HNRNPDL: variants seen among roughly 807,000 people sequenced by gnomAD.
HNRNPDL encodes heterogeneous nuclear ribonucleoprotein D-like.
HNRNPDL carries 18 observed loss-of-function variants against 48.0 expected under a neutral mutation model. The ratio of observed to expected loss-of-function variants is 0.38; its 90% CI spans 0.26 to 0.56. The LOEUF is 0.56. Ranked by LOEUF, HNRNPDL falls within the 20% of genes least tolerant of loss-of-function variation. HNRNPDL has a pLI of 0.77. For synonymous variants in HNRNPDL, 306 were observed against 207.3 expected (o/e 1.48, Z -4.09); for missense variants, 553 against 540.7 (o/e 1.02, Z -0.23).
At chr4:82,425,145 G>A (rs959583452) in intron 7 of HNRNPDL, 2 of 152,100 alleles carry the variant, frequency 1.3e-5, no homozygotes, top group Non-Finnish European at 2.9e-5. Flanking sequence ...GCTAGATTAA[G>A]GTCTACTAGA....
Position 82,429,232 on chromosome 4 carries a change from A to T in HNRNPDL, c.443+16T>A, listed in dbSNP as rs756666429. 1 of 1,611,344 alleles carries T rather than the reference A, an allele frequency of 6.2e-7. No homozygotes were observed. The highest frequency in any genetic ancestry group is 8.5e-7 in the Non-Finnish European group (1 of 1,178,586). ...CGCGCTGGGGGAGGGGGAGCGGGGG[A>T]AGAAGCGTGCGGTACCCGTCATCCT... On this transcript the variant is annotated intron_variant, in intron 1 of 7. Transcript: ENST00000295470.
intron 1 of HNRNPDL, 113 bp downstream of exon 1, chr4:82,429,135 G>T: frequency 1.0e-6 from 1 of 970,744 alleles, no homozygotes; most frequent in African/African-American, 1.6e-5. Flanking sequence ...GGCCCAGAAG[G>T]CACGCGGGGA....
At position 82,427,296 on chromosome 4, in the gene HNRNPDL, G is replaced by A; in HGVS notation, c.915C>T (p.Ile305=). The A allele has an allele frequency of 6.3e-7, 1 of 1,589,250 alleles. No individual in the cohort carries two copies. Among genetic ancestry groups the A allele is most frequent in the Non-Finnish European group, 8.5e-7 (1 of 1,170,728 alleles). ...ATACCTCTTTGGGTTGTGCAACTTTGATTTCACACTATAAACAAAAAACAT... is the reference window on the plus strand; with the variant it reads ...ATACCTCTTTGGGTTGTGCAACTTTAATTTCACACTATAAACAAAAAACAT... The part of the protein sequence containing the change: ...YHQIGSGKCE[I]KVAQPKEVYR... Residue 305 remains isoleucine (I), a synonymous_variant, in exon 5 of 8, where the codon ATC becomes ATT. Transcript: ENST00000295470.
In HNRNPDL at chr4:82,427,223, C is replaced by A; in HGVS notation, c.988G>T (p.Gly330Cys). 6.2e-7 allele frequency: 1 copy of A among 1,613,852 alleles called. No individual in the cohort carries two copies. The highest frequency in any genetic ancestry group is 8.5e-7 in the Non-Finnish European group (1 of 1,179,764). ...QQKGGRGAAA[G>C]GRGGTRGRGR... is the part of the protein sequence containing the mutation. ...CGACCCCTCGTACCACCTCGTCCAC[C>A]AGCTGCAGCACCTCTTCCACCTTTT... is the stretch of plus-strand genomic sequence containing the variant. The change falls in exon 5 of 8, where the codon GGT (glycine) becomes TGT (cysteine). Residue 330 changes from glycine to cysteine, a missense_variant. Coordinates refer to ENST00000295470, the MANE Select transcript of HNRNPDL (RefSeq NM_031372.4).
Position 82,429,581 on chromosome 4 carries a change from TGCCGCGGCGGCC to T in HNRNPDL, c.98_109del (p.Arg33_Arg36del). 1.4e-6 allele frequency: 2 copies of T among 1,383,840 alleles called. No homozygotes were observed. The highest frequency in any genetic ancestry group is 1.9e-6 in the Non-Finnish European group (2 of 1,073,538). The allele number at this position is 1,383,840 out of a possible 1,614,324, so 85.7% of individuals were successfully genotyped here. A position where few individuals can be genotyped will look rare whatever the true frequency, so the allele number is the denominator to read the frequency against. ...GAGCGAAGGGAGGAGCGGGGCTAGC[TGCCGCGGCGGCC>T]GCGGCCGCCAATGGGAGAGGCTGCG... On this transcript the variant is annotated inframe_deletion, in exon 1 of 8. Transcript: ENST00000295470.
Position 82,429,584 on chromosome 4 carries a change from C to CGCGGCG in HNRNPDL, c.101_106dup (p.Pro34_Pro35dup), listed in dbSNP as rs767858578. 2 of 1,376,816 alleles carry CGCGGCG rather than the reference C, an allele frequency of 1.5e-6. No homozygotes were observed. The highest frequency in any genetic ancestry group is 1.9e-6 in the Non-Finnish European group (2 of 1,069,444). The allele number at this position is 1,376,816 out of a possible 1,614,324, so 85.3% of individuals were successfully genotyped here. On this transcript the variant is annotated inframe_insertion, in exon 1 of 8. Coordinates refer to ENST00000295470, the MANE Select transcript of HNRNPDL (RefSeq NM_031372.4). ...CGAAGGGAGGAGCGGGGCTAGCTGCCGCGGCGGCCGCGGCCGCCAATGGGA... is the reference window on the plus strand; with the variant it reads ...CGAAGGGAGGAGCGGGGCTAGCTGCCGCGGCGGCGGCGGCCGCGGCCGCCAATGGGA...
chr4:82,428,902 G>A (rs1476380882), intron 1 of HNRNPDL, among the ~76,000 whole-genome samples: 1 of 152,214 alleles, frequency 6.6e-6, no homozygotes, highest in Non-Finnish European at 1.5e-5. Context: ...CAGGAAAACC[G>A]CGCCGAGTGG....
rs752506736 is a variant in HNRNPDL at position 82,428,281 on chromosome 4, A to C, written c.609T>G (p.Asp203Glu). ...CAATGCAAAACATAGTTCCTACCTT[A>C]TCAACACTAGCAGCATCTTTGAAAA... The part of the protein sequence containing the change: ...FVLFKDAASV[D>E]KVLELKEHKL... Residue 203 changes from aspartate to glutamate, a missense_variant, in exon 2 of 8, where the codon GAT (aspartate) becomes GAG (glutamate). Around this residue, in one of 4 missense-constraint regions of HNRNPDL, gnomAD observed 43 missense variants for 104.0 expected, o/e 0.41. Transcript: ENST00000295470. 4.1e-5 allele frequency: 66 copies of C among 1,611,842 alleles called. No homozygotes were observed. The highest frequency in any genetic ancestry group is 5.6e-5 in the Non-Finnish European group (66 of 1,178,450).
chr4:82,427,501 T>C lies in HNRNPDL; in HGVS notation c.838A>G (p.Thr280Ala), dbSNP rs766145966. 1 of 1,610,128 alleles carries C rather than the reference T, an allele frequency of 6.2e-7. No individual in the cohort carries two copies. The highest frequency in any genetic ancestry group is 8.5e-7 in the Non-Finnish European group (1 of 1,178,250). Residue 280 changes from threonine (T) to alanine (A), a missense_variant, in exon 4 of 8, where the codon ACA becomes GCA. By Grantham distance (58) the Thr-to-Ala change is moderately conservative. This residue lies in a region of HNRNPDL where 174 missense variants were observed against 204.6 expected (regional missense o/e 0.85). Transcript: ENST00000295470. ...TTTACTGGCTCTTCATCAGTATATGTGATAAAACAAAATCCTCTTCTTTCA... is the reference window on the plus strand; with the variant it reads ...TTTACTGGCTCTTCATCAGTATATGCGATAAAACAAAATCCTCTTCTTTCA... ...TNERRGFCFITYTDEEPVKKL... is the reference protein window; with the variant it reads ...TNERRGFCFIAYTDEEPVKKL...
At chr4:82,428,225 G>C in intron 2 of HNRNPDL, 46 bp from the exon 3 acceptor site, 1 of 1,607,302 alleles carries the variant, frequency 6.2e-7, no homozygotes, top group African/African-American at 1.3e-5. Flanking sequence ...ATAACCCCCA[G>C]AAAAATTTGC....
chr4:82,426,332 G>T (rs967019129), intron 6 of HNRNPDL, 131 bp downstream of exon 6: 1 of 888,728 alleles, frequency 1.1e-6, no homozygotes, highest in East Asian at 2.5e-5. Flanking sequence ...TCCTATGATT[G>T]TAACATGCCT....
intron 5 of HNRNPDL, 56 bp from the exon 6 acceptor site, chr4:82,426,689 T>C: frequency 7.1e-7 from 1 of 1,401,514 alleles, no homozygotes; most frequent in Non-Finnish European, 1.0e-6. Context: ...AATTCTAACA[T>C]AAAATGATGC....
intron 1 of HNRNPDL, among the ~76,000 whole-genome samples, chr4:82,428,874 G>C (rs1181746578): frequency 6.6e-6 from 1 of 152,196 alleles, no homozygotes; most frequent in East Asian, 1.9e-4. Context: ...CCCCAACTCA[G>C]TCCTCTAAAA....
At position 82,428,422 on chromosome 4, in the gene HNRNPDL, G is replaced by A; in HGVS notation, c.468C>T (p.Ser156=). Residue 156 remains serine, a synonymous_variant, in exon 2 of 8, where the codon AGC becomes AGT. Transcript: ENST00000295470. ...DDGKMFIGGL[S]WDTSKKDLTE... ...TCAGATCTTTTTTGCTTGTATCCCA[G>A]CTCAAGCCTCCAATAAACATTTTAC... is the stretch of plus-strand genomic sequence containing the variant. The A allele has an allele frequency of 6.2e-7, 1 of 1,608,104 alleles. No individual in the cohort carries two copies. The highest frequency in any genetic ancestry group is 1.7e-5 in the Admixed American group (1 of 59,420).
rs1378078465 is a variant in HNRNPDL at position 82,423,511 on chromosome 4, G to T, written c.*1395C>A. Reference sequence around the variant, plus strand: ...AGGAAGTAGAATCATTGTTAAGAAAGTTGCAGGCACCAAATTAAAAAAAAA... The same window carrying T: ...AGGAAGTAGAATCATTGTTAAGAAATTTGCAGGCACCAAATTAAAAAAAAA... On this transcript the variant is annotated 3_prime_UTR_variant, in exon 8 of 8. Transcript: ENST00000295470. 1.3e-5 allele frequency: 2 copies of T among 151,824 alleles called. No homozygotes were observed. Among genetic ancestry groups the T allele is most frequent in the Non-Finnish European group, 2.9e-5 (2 of 67,988 alleles). 9.4% of individuals were successfully genotyped at this position (151,824 alleles called of 1,614,324 possible).
Position 82,423,556 on chromosome 4 carries a change from TAAGA to T in HNRNPDL, c.*1346_*1349del, listed in dbSNP as rs1578081177. The T allele has an allele frequency of 6.6e-6, 1 of 150,644 alleles. No individual in the cohort carries two copies. Among genetic ancestry groups the T allele is most frequent in the African/African-American group, 2.4e-5 (1 of 41,114 alleles). 9.3% of individuals were successfully genotyped at this position (150,644 alleles called of 1,614,324 possible). On this transcript the variant is annotated 3_prime_UTR_variant, in exon 8 of 8. Coordinates refer to ENST00000295470, the MANE Select transcript of HNRNPDL (RefSeq NM_031372.4). ...AAAAAAAAGGGAGGGCTCATGAGCA[TAAGA>T]AACTTACCAGTTTTGTGAGATCACC...
In HNRNPDL at chr4:82,422,853, G is replaced by T. The variant is rs1458506125; in HGVS notation, c.*2053C>A. On this transcript the variant is annotated 3_prime_UTR_variant, in exon 8 of 8. Coordinates refer to ENST00000295470, the MANE Select transcript of HNRNPDL (RefSeq NM_031372.4). ...ATACGATGTAAAAAACATACACAGA[G>T]TATTTGTTATAGGTACTTTAGAATT... 3 of 152,172 alleles carry T rather than the reference G, an allele frequency of 2.0e-5. No individual in the cohort carries two copies. The highest frequency in any genetic ancestry group is 2.1e-4 in the South Asian group (1 of 4,824). The allele number at this position is 152,172 out of a possible 1,614,324, so 9.4% of individuals were successfully genotyped here. A position where few individuals can be genotyped will look rare whatever the true frequency, so the allele number is the denominator to read the frequency against.
chr4:82,429,161 G>A (rs956683681), intron 1 of HNRNPDL, 87 bp downstream of exon 1: 8 of 1,253,374 alleles, frequency 6.4e-6, no homozygotes, highest in Middle Eastern at 2.2e-4. Context: ...CTCTGAGAAA[G>A]AATGGGGGCA....
chr4:82,423,519 C>T lies in HNRNPDL; in HGVS notation c.*1387G>A, dbSNP rs1326445137. On this transcript the variant is annotated 3_prime_UTR_variant, in exon 8 of 8. Coordinates refer to ENST00000295470, the MANE Select transcript of HNRNPDL (RefSeq NM_031372.4). ...GAATCATTGTTAAGAAAGTTGCAGG[C>T]ACCAAATTAAAAAAAAAAAGGGAGG... The T allele has an allele frequency of 1.3e-5, 2 of 151,484 alleles. No homozygotes were observed. The highest frequency in any genetic ancestry group is 1.9e-4 in the East Asian group (1 of 5,184). The allele number at this position is 151,484 out of a possible 1,614,324, so 9.4% of individuals were successfully genotyped here.
Sources: allele counts gnomAD v4.1 joint callset (sites outside exome capture counted in the v4.1 genomes callset), GRCh38; gene constraint gnomAD v4.1.1; regional missense constraint gnomAD v4.1.1; transcripts MANE v1.5; gene names NCBI Gene and HGNC (gene_info 2026-07-23, HGNC 2026-07-21).